Variants in MYRIP observed in about 807,000 individuals in gnomAD.
MYRIP encodes the protein rab effector MyRIP.
MYRIP carries 49 observed loss-of-function variants against 98.0 expected under a neutral mutation model. That is an observed-to-expected ratio of 0.50 (90% CI 0.40 to 0.63). The LOEUF (loss-of-function observed/expected upper bound fraction) is 0.63, where lower values mean the gene tolerates loss of function less well. Among genes scored for constraint, MYRIP ranks in the 30% least tolerant of loss-of-function variants. The probability of loss-of-function intolerance (pLI) is 0.00; values close to 1 mark genes in which losing one functional copy is unlikely to be tolerated. For missense variants in MYRIP, 1,004 were observed against 1,058.2 expected (o/e 0.95, Z 0.71); for synonymous variants, 404 against 409.5 (o/e 0.99, Z 0.16).
intron 12 of MYRIP, among the ~76,000 whole-genome samples, chr3:40,240,800 G>T (rs1426856599): frequency 6.6e-6 from 1 of 152,142 alleles, no homozygotes; most frequent in Admixed American, 6.5e-5. Flanking sequence ...TTAAATTCTT[G>T]CTGTGAAGAG....
At chr3:40,197,471 T>C (rs540324376) in intron 10 of MYRIP, among the ~76,000 whole-genome samples, 2 of 152,338 alleles carry the variant, frequency 1.3e-5, no homozygotes, top group East Asian at 3.9e-4. Flanking sequence ...TGGACATAGA[T>C]GGGCTAAAAC....
chr3:40,077,045 T>C (rs202027623), intron 3 of MYRIP, among the ~76,000 whole-genome samples: 1 of 152,164 alleles, frequency 6.6e-6, no homozygotes, highest in African/African-American at 2.4e-5. Flanking sequence ...TTGCGGTGAG[T>C]GTTACAGCTC....
At chr3:40,030,085 AAGAG>A (rs1947223786) in intron 2 of MYRIP, among the ~76,000 whole-genome samples, 1 of 151,450 alleles carries the variant, frequency 6.6e-6, no homozygotes, top group Non-Finnish European at 1.5e-5. Context: ...AAAGGAAAGA[AAGAG>A]AGAGAAAGAA....
intron 2 of MYRIP, among the ~76,000 whole-genome samples, chr3:39,931,380 T>C (rs2125700086): frequency 6.6e-6 from 1 of 152,208 alleles, no homozygotes; most frequent in South Asian, 2.1e-4. Context: ...ATTGATCTTT[T>C]ACTTAAACCT....
intron 3 of MYRIP, among the ~76,000 whole-genome samples, chr3:40,080,208 C>T (rs1047061969): frequency 6.6e-6 from 1 of 152,140 alleles, no homozygotes; most frequent in African/African-American, 2.4e-5. Context: ...TTTTCCTTCT[C>T]CCTTAACTTG....
intron 4 of MYRIP, among the ~76,000 whole-genome samples, chr3:40,159,144 T>C (rs1289577465): frequency 1.3e-5 from 2 of 152,050 alleles, no homozygotes; most frequent in East Asian, 1.9e-4. Flanking sequence ...GGTTGTTCCT[T>C]TCCATGTTTA....
intron 1 of MYRIP, among the ~76,000 whole-genome samples, chr3:39,854,556 T>C (rs1192124352): frequency 6.6e-6 from 1 of 152,194 alleles, no homozygotes; most frequent in African/African-American, 2.4e-5. Flanking sequence ...TACTGTTTTT[T>C]AAAATTTTTT....
intron 2 of MYRIP, among the ~76,000 whole-genome samples, chr3:39,947,680 A>G (rs1024928441): frequency 6.6e-6 from 1 of 152,194 alleles, no homozygotes; most frequent in Admixed American, 6.6e-5. Flanking sequence ...AGGTGGGAGC[A>G]TCACTTGAAC....
chr3:39,899,750 G>T (rs1305680078), intron 1 of MYRIP, among the ~76,000 whole-genome samples: 1 of 152,132 alleles, frequency 6.6e-6, no homozygotes, highest in Admixed American at 6.5e-5. Context: ...CATTTTGGTG[G>T]ATGTAAAATA....
chr3:39,984,221 T>C (rs1945971008), intron 2 of MYRIP, among the ~76,000 whole-genome samples: 3 of 151,748 alleles, frequency 2.0e-5, no homozygotes, highest in African/African-American at 7.2e-5. Flanking sequence ...TATTTTATTT[T>C]ATTTTATTTT....
intron 9 of MYRIP, among the ~76,000 whole-genome samples, chr3:40,187,922 T>C (rs1441957397): frequency 6.6e-6 from 1 of 152,126 alleles, no homozygotes; most frequent in African/African-American, 2.4e-5. Flanking sequence ...CTTTACTACA[T>C]GGAAGTGGTG....
At chr3:40,249,040 C>T (rs970813893) in intron 13 of MYRIP, among the ~76,000 whole-genome samples, 1 of 152,196 alleles carries the variant, frequency 6.6e-6, no homozygotes, top group African/African-American at 2.4e-5. Flanking sequence ...TTCAATCTTT[C>T]TGTGTACCTC....
intron 8 of MYRIP, among the ~76,000 whole-genome samples, chr3:40,176,733 C>T (rs1950768958): frequency 6.6e-6 from 1 of 151,816 alleles, no homozygotes; most frequent in South Asian, 2.1e-4. Context: ...CATAGTGAAA[C>T]CCTGTCTCTA....
At chr3:39,864,405 C>A (rs1251911006) in intron 1 of MYRIP, among the ~76,000 whole-genome samples, 3 of 152,130 alleles carry the variant, frequency 2.0e-5, no homozygotes, top group Non-Finnish European at 2.9e-5. Context: ...ACCCAATAGT[C>A]TCTGCCCAAA....
At chr3:40,060,128 C>T (rs1947975886) in intron 3 of MYRIP, among the ~76,000 whole-genome samples, 1 of 152,006 alleles carries the variant, frequency 6.6e-6, no homozygotes, top group East Asian at 1.9e-4. Flanking sequence ...AACTGCCAAA[C>T]ATCAAAAATT....
At chr3:39,979,022 C>G (rs1430643540) in intron 2 of MYRIP, among the ~76,000 whole-genome samples, 1 of 152,130 alleles carries the variant, frequency 6.6e-6, no homozygotes, top group Non-Finnish European at 1.5e-5. Context: ...ATGCTGATAG[C>G]TTCATTGTAC....
In MYRIP at chr3:40,163,029, C is replaced by T. The variant is rs1346673406; in HGVS notation, c.550+219C>T. 8.9e-6 allele frequency: 4 copies of T among 450,872 alleles called. No individual in the cohort carries two copies. In the Admixed American group the frequency reaches 1.2e-4, roughly 13 times the overall value. 27.9% of individuals were successfully genotyped at this position (450,872 alleles called of 1,614,324 possible). A position where few individuals can be genotyped will look rare whatever the true frequency, so the allele number is the denominator to read the frequency against. On this transcript the variant is annotated intron_variant, in intron 5 of 16. Transcript: ENST00000302541. ...AAAATGTGGCCAAGAGAACAGCATTCGTTACCCAACCATGGATACTTTACA... is the reference window on the plus strand; with the variant it reads ...AAAATGTGGCCAAGAGAACAGCATTTGTTACCCAACCATGGATACTTTACA...
rs1029032543 is a variant in MYRIP at position 40,167,316 on chromosome 3, G to A, written c.729+77G>A. ...GCAGGGACTCTGGCAAGTAGCAGGT[G>A]AAACATGGGGAGTGTCTCTAGCACT... is the stretch of plus-strand genomic sequence containing the variant. On this transcript the variant is annotated intron_variant, in intron 7 of 16. Coordinates refer to ENST00000302541, the MANE Select transcript of MYRIP (RefSeq NM_015460.4). 46 of 1,285,534 alleles carry A rather than the reference G, an allele frequency of 3.6e-5. 1 individual carries two copies. In the South Asian group the frequency reaches 5.4e-4, roughly 15 times the overall value. 79.6% of individuals were successfully genotyped at this position (1,285,534 alleles called of 1,614,324 possible).
chr3:39,975,808 C>T (rs1945735084), intron 2 of MYRIP, among the ~76,000 whole-genome samples: 2 of 152,176 alleles, frequency 1.3e-5, no homozygotes, highest in African/African-American at 4.8e-5. Context: ...AAAGGATTCC[C>T]TATTTAATAA....
Sources: allele counts gnomAD v4.1 joint callset (sites outside exome capture counted in the v4.1 genomes callset), GRCh38; gene constraint gnomAD v4.1.1; transcripts MANE v1.5; gene names NCBI Gene and HGNC (gene_info 2026-07-23, HGNC 2026-07-21).